Variants in SCNN1B observed in about 807,000 individuals in gnomAD.
The protein encoded by SCNN1B is sodium channel epithelial 1 subunit beta.
A neutral mutation model predicts 65.3 loss-of-function variants in SCNN1B; 46 were observed. The observed-to-expected ratio is 0.70, with a 90% CI of 0.56 to 0.90. The LOEUF (loss-of-function observed/expected upper bound fraction) is 0.90, where lower values mean the gene tolerates loss of function less well. SCNN1B is among the 40% of genes least tolerant of loss of function. The pLI, the probability that SCNN1B is intolerant of heterozygous loss-of-function variation, is 0.00. For synonymous variants in SCNN1B, 349 were observed against 330.6 expected (o/e 1.06, Z -0.60); for missense variants, 751 against 830.5 (o/e 0.90, Z 1.18).
intron 1 of SCNN1B, among the ~76,000 whole-genome samples, chr16:23,330,720 G>A (rs3785364): frequency 0.19 from 29,643 of 152,018 alleles, 3,283 homozygotes; most frequent in Middle Eastern, 0.31. Context: ...CTAGAGTCAT[G>A]TGCCACCACA....
intron 1 of SCNN1B, among the ~76,000 whole-genome samples, chr16:23,305,606 G>A (rs1961200583): frequency 7.7e-6 from 1 of 129,094 alleles, no homozygotes; most frequent in Non-Finnish European, 1.6e-5. Flanking sequence ...TATAACCTGG[G>A]TGTGGTGGCA....
chr16:23,364,808 A>T (rs1039165723), intron 4 of SCNN1B, among the ~76,000 whole-genome samples: 3 of 150,324 alleles, frequency 2.0e-5, no homozygotes, highest in African/African-American at 7.4e-5. Context: ...TGGCCAACAT[A>T]GTGAAACACC....
intron 1 of SCNN1B, among the ~76,000 whole-genome samples, chr16:23,315,412 C>A (rs900438105): frequency 6.6e-6 from 1 of 152,074 alleles, no homozygotes. Context: ...TGGCAAATAA[C>A]ATGTTTATTT....
rs763513666 is a variant in SCNN1B at position 23,348,704 on chromosome 16, C to G, written c.105C>G (p.Thr35=). Residue 35 remains threonine (T), a synonymous_variant, in exon 2 of 13, where the codon ACC becomes ACG. Transcript: ENST00000343070. This position sits in a 1 kb window ranked among gnomAD's most constrained non-coding sequence, Gnocchi z 4.5. ...LLVWYCDNTN[T]HGPKRIICEG... The stretch of plus-strand genomic sequence containing the variant: ...TGTGGTACTGCGACAACACCAACAC[C>G]CACGGCCCCAAGCGCATCATCTGTG... The G allele has an allele frequency of 3.7e-6, 6 of 1,614,088 alleles. No individual in the cohort carries two copies. In the South Asian group the frequency reaches 6.6e-5, roughly 18 times the overall value.
intron 1 of SCNN1B, among the ~76,000 whole-genome samples, chr16:23,278,999 T>TAA (rs145363650): frequency 1.7e-4 from 24 of 139,064 alleles, no homozygotes; most frequent in East Asian, 8.3e-4. Flanking sequence ...CTCACCTTAA[T>TAA]AAAAAAAAAG....
chr16:23,365,316 GAGAA>G (rs1185230668), intron 4 of SCNN1B, among the ~76,000 whole-genome samples: 1 of 147,124 alleles, frequency 6.8e-6, no homozygotes, highest in Non-Finnish European at 1.5e-5. Context: ...GAGAAAAAGA[GAGAA>G]AGAGAGAAAA....
upstream of SCNN1B, among the ~76,000 whole-genome samples, chr16:23,299,590 T>C (rs1961045259): frequency 6.6e-6 from 1 of 152,172 alleles, no homozygotes; most frequent in African/African-American, 2.4e-5. Context: ...GCAAAAGCAA[T>C]GGTAGGTCAT....
At chr16:23,295,003 T>C (rs144786516) in intron 2 of SCNN1B, among the ~76,000 whole-genome samples, 3 of 133,842 alleles carry the variant, frequency 2.2e-5, no homozygotes, top group East Asian at 4.3e-4. Flanking sequence ...AATAAACAAA[T>C]AAACAAAAAA....
chr16:23,298,052 T>C (rs1160248508), upstream of SCNN1B, among the ~76,000 whole-genome samples: 1 of 152,202 alleles, frequency 6.6e-6, no homozygotes, highest in East Asian at 1.9e-4. Context: ...TCTCATCTCC[T>C]AGAATTGCAC....
intron 1 of SCNN1B, among the ~76,000 whole-genome samples, 179 bp downstream of exon 1, chr16:23,302,616 G>T (rs1961108783): frequency 6.6e-6 from 1 of 152,168 alleles, no homozygotes; most frequent in Admixed American, 6.5e-5. Flanking sequence ...GACTGAACGG[G>T]TTGGGGGCGG....
Position 23,355,434 on chromosome 16 carries a change from C to G in SCNN1B, c.721C>G (p.Pro241Ala), listed in dbSNP as rs761122352. ...PQQELVEMSY[P>A]GEQMILACLF... ...GCAGGAGCTAGTAGAGATGAGCTAC[C>G]CCGGCGAGCAGATGATCCTGGCCTG... Residue 241 changes from proline (P) to alanine (A), a missense_variant, in exon 4 of 13, where the codon CCC becomes GCC. Physicochemically the swap from Pro to Ala is conservative, Grantham distance 27 (BLOSUM62 -1). Transcript: ENST00000343070. 3.1e-6 allele frequency: 5 copies of G among 1,614,034 alleles called. No individual in the cohort carries two copies. The Admixed American group carries it at 6.7e-5, about 22-fold the overall frequency.
intron 1 of SCNN1B, among the ~76,000 whole-genome samples, chr16:23,306,948 C>T (rs1212790353): frequency 1.3e-5 from 2 of 152,168 alleles, no homozygotes; most frequent in Non-Finnish European, 2.9e-5. Flanking sequence ...CTCTTGTAAT[C>T]ATCACCCCTG....
In SCNN1B at chr16:23,305,577, T is replaced by TTA. The variant is rs10571485; in HGVS notation, c.-9+3161_-9+3162dup. ...ATATATATATATATATATATATATA[T>TTA]TATATATATATATATATATATAACC... On this transcript the variant is annotated intron_variant, in intron 1 of 12. Transcript: ENST00000343070. Among the ~76,000 whole-genome samples the TTA allele has an allele frequency of 5.0e-3, 118 of 23,596 alleles. 1 individual carries two copies. The highest frequency in any genetic ancestry group is 7.3e-3 in the South Asian group (5 of 682). The allele number at this position is 23,596 out of a possible 152,430, so 15.5% of individuals were successfully genotyped here.
At chr16:23,291,453 C>T (rs1555481910) in intron 2 of SCNN1B, among the ~76,000 whole-genome samples, 2 of 142,612 alleles carry the variant, frequency 1.4e-5, no homozygotes, top group South Asian at 2.2e-4. Context: ...TTTATATATC[C>T]ATATATATAT....
chr16:23,353,212 G>A, intron 3 of SCNN1B, 138 bp downstream of exon 3: 1 of 1,077,764 alleles, frequency 9.3e-7, no homozygotes, highest in Non-Finnish European at 1.3e-6. Flanking sequence ...TGTTTGCAGA[G>A]ATTTTTTAAA....
At chr16:23,358,700 G>A (rs1180588398) in intron 4 of SCNN1B, among the ~76,000 whole-genome samples, 1 of 152,086 alleles carries the variant, frequency 6.6e-6, no homozygotes, top group Admixed American at 6.6e-5. Context: ...TGAGACCAGG[G>A]GTTCGAGACC....
In SCNN1B at chr16:23,305,542, ATATAT is replaced by A. The variant is rs1961182305; in HGVS notation, c.-9+3106_-9+3110del. ...TCTACCAAATATATATATTATATAT[ATATAT>A]ATATATATATATATATATATATATA... On this transcript the variant is annotated intron_variant, in intron 1 of 12. Coordinates refer to ENST00000343070, the MANE Select transcript of SCNN1B (RefSeq NM_000336.3). 1.1e-4 allele frequency among the ~76,000 whole-genome samples: 3 copies of A among 27,606 alleles called. 1 individual carries two copies. Among genetic ancestry groups the A allele is most frequent in the Admixed American group, 3.9e-4 (1 of 2,580 alleles). The allele number at this position is 27,606 out of a possible 152,430, so 18.1% of individuals were successfully genotyped here.
Position 23,307,885 on chromosome 16 carries a change from A to C in SCNN1B, c.-9+5448A>C, listed in dbSNP as rs554373531. On this transcript the variant is annotated intron_variant, in intron 1 of 12. Transcript: ENST00000343070. ...AGCAACATAGCAAGACCCTACAAAA[A>C]AATTCAAAAATTAGCCGGGTGTAGT... Among the ~76,000 whole-genome samples the C allele has an allele frequency of 2.4e-4, 37 of 152,246 alleles. No homozygotes were observed. The South Asian group carries it at 6.6e-3, about 27-fold the overall frequency.
At chr16:23,374,703 T>C (rs1339167748) in intron 7 of SCNN1B, among the ~76,000 whole-genome samples, 1 of 150,640 alleles carries the variant, frequency 6.6e-6, no homozygotes, top group African/African-American at 2.4e-5. Flanking sequence ...CACAGACTCG[T>C]TAGGGGTAAT....
Sources: gnomAD v4.1 joint callset for allele counts (sites outside exome capture counted in the v4.1 genomes callset) on GRCh38, gnomAD v4.1.1 for gene constraint, Gnocchi (gnomAD v3.1) non-coding constraint, MANE v1.5 for transcripts, NCBI Gene and HGNC (gene_info 2026-07-23, HGNC 2026-07-21) for gene names.